Variants in IFI16 observed in about 807,000 individuals in gnomAD.
IFI16 encodes the protein gamma-interferon-inducible protein 16.
IFI16 carries 49 observed loss-of-function variants against 68.4 expected under a neutral mutation model. The ratio of observed to expected loss-of-function variants is 0.72; its 90% CI spans 0.57 to 0.91. The LOEUF is 0.91. IFI16 is among the 40% of genes least tolerant of loss of function. The probability of loss-of-function intolerance (pLI) is 0.00; values close to 1 mark genes in which losing one functional copy is unlikely to be tolerated. For synonymous variants in IFI16, 307 were observed against 315.0 expected (o/e 0.97, Z 0.27); for missense variants, 878 against 942.9 (o/e 0.93, Z 0.90).
chr1:159,022,456 T>C (rs1272345042), intron 6 of IFI16, among the ~76,000 whole-genome samples: 1 of 152,250 alleles, frequency 6.6e-6, no homozygotes, highest in African/African-American at 2.4e-5. Context: ...ATTTATAATC[T>C]GACGCGGCCA....
chr1:159,035,631 T>C (rs1409501061), intron 7 of IFI16, among the ~76,000 whole-genome samples: 1 of 4,226 alleles, frequency 2.4e-4, no homozygotes, highest in Non-Finnish European at 3.1e-3. Flanking sequence ...CTAACTACTT[T>C]CCTAGTGACT....
At chr1:159,002,670 C>A (rs999286580), upstream of IFI16, among the ~76,000 whole-genome samples, 1 of 152,148 alleles carries the variant, frequency 6.6e-6, no homozygotes, top group South Asian at 2.1e-4. Flanking sequence ...TCTTTAATGG[C>A]CAGCCTGCTG....
chr1:159,045,168 C>T (rs1270683762), intron 7 of IFI16, 129 bp from the exon 8 acceptor site: 2 of 575,000 alleles, frequency 3.5e-6, no homozygotes, highest in Non-Finnish European at 6.2e-6. Flanking sequence ...CCTCCTGCAA[C>T]TCAGGGAAAA....
At chr1:159,038,100 T>C (rs971409517) in intron 7 of IFI16, among the ~76,000 whole-genome samples, 5 of 152,224 alleles carry the variant, frequency 3.3e-5, no homozygotes, top group African/African-American at 1.2e-4. Flanking sequence ...AGGATTCATA[T>C]CTAGTTTTAG....
chr1:159,032,586 G>A lies in IFI16; in HGVS notation c.1224G>A (p.Gln408=), dbSNP rs75557182. The A allele has an allele frequency of 1.2e-6, 2 of 1,612,474 alleles. No homozygotes were observed. Among genetic ancestry groups the A allele is most frequent in the East Asian group, 2.2e-5 (1 of 44,714 alleles). ...DPKSMKLPQE[Q]RQLPYPSEAS... The stretch of plus-strand genomic sequence containing the variant: ...AGAGCATGAAGCTACCCCAGGAACA[G>A]CGTCAGCTTCCATATCCTTCAGAGG... Residue 408 remains glutamine, a synonymous_variant, in exon 7 of 12, where the codon CAG becomes CAA. Transcript: ENST00000295809.
At chr1:159,017,451 A>G (rs856043) in intron 4 of IFI16, among the ~76,000 whole-genome samples, 94,828 of 151,528 alleles carry the variant, frequency 0.63, 35,682 homozygotes, top group Non-Finnish European at 0.81. Context: ...GGTGGGCACC[A>G]TTTTTCATTT....
At position 159,053,616 on chromosome 1, in the gene IFI16, C is replaced by T. The variant is rs1205648885; in HGVS notation, c.2169C>T (p.Thr723=). 5.6e-6 allele frequency: 9 copies of T among 1,613,504 alleles called. No homozygotes were observed. The highest frequency in any genetic ancestry group is 1.1e-5 in the South Asian group (1 of 91,066). Residue 723 remains threonine (T), a synonymous_variant, in exon 11 of 12, where the codon ACC becomes ACT. Coordinates refer to ENST00000295809, the MANE Select transcript of IFI16 (RefSeq NM_001376587.1). ...KMEVVVHGRL[T]TINCEEGDKL... ...AAGTGGTGGTGCATGGACGACTGAC[C>T]ACAATCAACTGTGAGGAAGGAGATA...
At chr1:159,048,383 G>T (rs1655128521) in intron 8 of IFI16, among the ~76,000 whole-genome samples, 1 of 151,386 alleles carries the variant, frequency 6.6e-6, no homozygotes, top group Non-Finnish European at 1.5e-5. Flanking sequence ...CTTCCTCAGG[G>T]TCACACAAAT....
intron 10 of IFI16, chr1:159,052,586 A>G (rs1655431346): frequency 6.5e-6 from 1 of 153,904 alleles, no homozygotes; most frequent in Admixed American, 6.4e-5. Flanking sequence ...ACAGTTAGCT[A>G]GAATTCTGAT....
rs1185979361 is a variant in IFI16 at position 159,014,961 on chromosome 1, G to A, written c.265+16G>A. ...AAGTTAAAAGGTAATTGGGAAGAGG[G>A]AACACCCACTCCCTGCAACCATCCC... On this transcript the variant is annotated intron_variant, in intron 2 of 11. Coordinates refer to ENST00000295809, the MANE Select transcript of IFI16 (RefSeq NM_001376587.1). The A allele has an allele frequency of 1.3e-6, 2 of 1,588,554 alleles. No individual in the cohort carries two copies.
intron 7 of IFI16, among the ~76,000 whole-genome samples, chr1:159,037,722 TA>T (rs111714249): frequency 0.037 from 5,595 of 152,318 alleles, 115 homozygotes; most frequent in Non-Finnish European, 0.046. Flanking sequence ...AAGACAGTTT[TA>T]TCAATGCTAT....
chr1:159,013,217 G>A (rs1652690753), intron 1 of IFI16, among the ~76,000 whole-genome samples: 1 of 133,694 alleles, frequency 7.5e-6, no homozygotes, highest in Non-Finnish European at 1.5e-5. Flanking sequence ...CACCCAGGCT[G>A]GAGTGTAGTG....
At position 159,045,294 on chromosome 1, in the gene IFI16, T is replaced by G. The variant is rs756768338; in HGVS notation, c.1330-3T>G. 24 of 1,298,768 alleles carry G rather than the reference T, an allele frequency of 1.8e-5. No homozygotes were observed. Among genetic ancestry groups the G allele is most frequent in the Non-Finnish European group, 2.6e-5 (24 of 923,784 alleles). 80.5% of individuals were successfully genotyped at this position (1,298,768 alleles called of 1,614,324 possible). On this transcript the variant is annotated splice_region_variant and splice_polypyrimidine_tract_variant and intron_variant, in intron 7 of 11. Transcript: ENST00000295809. ...AAAAGAACAAACATCTATTTTCCTTTAGAAAAGTGAAGACACAATCTCCAA... is the reference window on the plus strand; with the variant it reads ...AAAAGAACAAACATCTATTTTCCTTGAGAAAAGTGAAGACACAATCTCCAA...
rs200953915 is a variant in IFI16 at position 159,054,889 on chromosome 1, C to G, written c.2346C>G (p.Asp782Glu). The change falls in exon 12 of 12, where the codon GAC (aspartate) becomes GAG (glutamate). Residue 782 changes from aspartate (D) to glutamate (E), a missense_variant. This residue lies in a region of IFI16 where 311 missense variants were observed against 305.1 expected (regional missense o/e 1.02). Transcript: ENST00000295809. ...NPDSSMETSP[D>E]FFF is the part of the protein sequence containing the mutation. ...ATTCAAGTATGGAAACTTCACCAGA[C>G]TTTTTCTTCTAAAATCTGGATGTCA... is the stretch of plus-strand genomic sequence containing the variant. The G allele has an allele frequency of 2.0e-4, 312 of 1,581,202 alleles. No homozygotes were observed. The highest frequency in any genetic ancestry group is 1.0e-4 in the Non-Finnish European group (115 of 1,152,590).
chr1:159,015,098 G>A (rs1321821942), intron 2 of IFI16, among the ~76,000 whole-genome samples, 153 bp downstream of exon 2: 2 of 152,178 alleles, frequency 1.3e-5, no homozygotes, highest in East Asian at 1.9e-4. Flanking sequence ...AGGCCAACAA[G>A]TTGACAACTT....
At chr1:159,005,584 G>A (rs767387026), upstream of IFI16, among the ~76,000 whole-genome samples, 16 of 152,166 alleles carry the variant, frequency 1.1e-4, no homozygotes, top group Non-Finnish European at 1.6e-4. Context: ...TTAGCTTTGA[G>A]CAACAGGAAA....
At chr1:159,018,793 C>T in intron 5 of IFI16, 142 bp downstream of exon 5, 2 of 642,128 alleles carry the variant, frequency 3.1e-6, no homozygotes, top group East Asian at 2.7e-5. Flanking sequence ...ATAAAGACTT[C>T]TCTGAAGATA....
intron 8 of IFI16, among the ~76,000 whole-genome samples, chr1:159,049,124 A>G (rs931678817): frequency 2.0e-5 from 3 of 149,688 alleles, no homozygotes; most frequent in African/African-American, 5.0e-5. Context: ...GCTGCCCCCA[A>G]AATAGCCCTA....
In IFI16 at chr1:159,047,100, C is replaced by T. The variant is rs559309931; in HGVS notation, c.1497+1636C>T. On this transcript the variant is annotated intron_variant, in intron 8 of 11. Coordinates refer to ENST00000295809, the MANE Select transcript of IFI16 (RefSeq NM_001376587.1). ...GTATGGGCAGGGAAATACTGACCCA[C>T]GGCAACTTGAGGGATAGGGAACACT... is the stretch of plus-strand genomic sequence containing the variant. 3.3e-4 allele frequency among the ~76,000 whole-genome samples: 49 copies of T among 150,164 alleles called. 3 individuals carry two copies. Among genetic ancestry groups the T allele is most frequent in the South Asian group, 3.1e-3 (15 of 4,790 alleles).
Sources: gnomAD v4.1 joint callset for allele counts (sites outside exome capture counted in the v4.1 genomes callset) on GRCh38, gnomAD v4.1.1 for gene constraint, gnomAD v4.1.1 regional missense constraint, MANE v1.5 for transcripts, NCBI Gene and HGNC (gene_info 2026-07-23, HGNC 2026-07-21) for gene names.